The following IL1RAP variants were observed in gnomAD, a reference collection of about 807,000 sequenced individuals.
The protein encoded by IL1RAP is interleukin-1 receptor accessory protein.
A neutral mutation model predicts 60.7 loss-of-function variants in IL1RAP; 35 were observed. That is an observed-to-expected ratio of 0.58 (90% confidence interval 0.44 to 0.76). The LOEUF is 0.76. Among genes scored for constraint, IL1RAP ranks in the 30% least tolerant of loss-of-function variants. The pLI, the probability that IL1RAP is intolerant of heterozygous loss-of-function variation, is 0.00. For synonymous variants in IL1RAP, 268 were observed against 250.9 expected (o/e 1.07, Z -0.64); for missense variants, 572 against 693.9 (o/e 0.82, Z 1.97).
chr3:190,609,499 A>C (rs1577718872), intron 5 of IL1RAP, among the ~76,000 whole-genome samples: 1 of 152,308 alleles, frequency 6.6e-6, no homozygotes, highest in Non-Finnish European at 1.5e-5. Context: ...GTGAAGTCAT[A>C]AGCTGTTAAT....
downstream of IL1RAP, chr3:190,656,395 G>A: frequency 1.3e-6 from 2 of 1,537,244 alleles, no homozygotes; most frequent in Middle Eastern, 1.7e-4. Flanking sequence ...CACCTACTGT[G>A]AAGGAGAGAA....
intron 5 of IL1RAP, among the ~76,000 whole-genome samples, chr3:190,613,791 C>T (rs934648937): frequency 6.6e-6 from 1 of 151,916 alleles, no homozygotes; most frequent in African/African-American, 2.4e-5. Context: ...TGAGATCGTG[C>T]CACTGCACTC....
chr3:190,597,064 G>A (rs988272679), intron 3 of IL1RAP, among the ~76,000 whole-genome samples: 10 of 152,280 alleles, frequency 6.6e-5, no homozygotes, highest in Admixed American at 6.5e-4. Flanking sequence ...CTGTGGTACA[G>A]GAGGCTGACT....
intron 1 of IL1RAP, among the ~76,000 whole-genome samples, chr3:190,548,100 A>G (rs1297025802): frequency 2.6e-5 from 4 of 152,198 alleles, no homozygotes; most frequent in Non-Finnish European, 5.9e-5. Context: ...GAGGCCAAGG[A>G]TGCCTTGGAT....
intron 1 of IL1RAP, among the ~76,000 whole-genome samples, chr3:190,522,403 C>CTATCTATCTATG (rs750534993): frequency 8.1e-5 from 11 of 134,974 alleles, no homozygotes; most frequent in African/African-American, 3.2e-4. Flanking sequence ...TTCTATGTAT[C>CTATCTATCTATG]TATCTATGTA....
rs535372467 is a variant in IL1RAP at position 190,578,948 on chromosome 3, G to A, written c.64+14595G>A. On this transcript the variant is annotated intron_variant, in intron 3 of 11. Transcript: ENST00000447382. Reference sequence around the variant, plus strand: ...CACTAGGTCCCTCCCATGGTATGTGGGGAGTATGGGAGCTACAATTCAAGA... The same window carrying A: ...CACTAGGTCCCTCCCATGGTATGTGAGGAGTATGGGAGCTACAATTCAAGA... Among the ~76,000 whole-genome samples the A allele has an allele frequency of 1.1e-4, 16 of 152,286 alleles. No individual in the cohort carries two copies. In the East Asian group the frequency reaches 2.9e-3, roughly 28 times the overall value.
chr3:190,532,081 G>T (rs1723033485), intron 1 of IL1RAP, among the ~76,000 whole-genome samples: 2 of 151,946 alleles, frequency 1.3e-5, no homozygotes, highest in African/African-American at 4.8e-5. Context: ...TGCACTTTCT[G>T]GTATCATGCT....
intron 9 of IL1RAP, among the ~76,000 whole-genome samples, chr3:190,638,981 C>G (rs1227444429): frequency 6.6e-6 from 1 of 151,950 alleles, no homozygotes; most frequent in African/African-American, 2.4e-5. Flanking sequence ...TTTGTTGCTG[C>G]TGTTGTTCTT....
chr3:190,557,338 GC>G (rs1725511454), intron 2 of IL1RAP, among the ~76,000 whole-genome samples: 1 of 152,126 alleles, frequency 6.6e-6, no homozygotes, highest in South Asian at 2.1e-4. Flanking sequence ...AGAGCATGTT[GC>G]TATTCAAAAT....
chr3:190,563,225 A>G (rs78230546), intron 2 of IL1RAP, among the ~76,000 whole-genome samples: 1,709 of 152,286 alleles, frequency 0.011, 38 homozygotes, highest in African/African-American at 0.039. Context: ...CTTGTGGCAT[A>G]GGCTATTTGA....
At chr3:190,617,046 G>A (rs570501925) in intron 5 of IL1RAP, among the ~76,000 whole-genome samples, 1 of 152,308 alleles carries the variant, frequency 6.6e-6, no homozygotes, top group South Asian at 2.1e-4. Context: ...TGCCTGAAGT[G>A]TCTACTTCCC....
chr3:190,607,918 G>A (rs9875666), intron 4 of IL1RAP, among the ~76,000 whole-genome samples: 12,277 of 151,996 alleles, frequency 0.081, 962 homozygotes, highest in African/African-American at 0.2. Flanking sequence ...CTTTTCTATC[G>A]TTCTATCATG....
At chr3:190,639,252 C>T (rs13059538) in intron 9 of IL1RAP, among the ~76,000 whole-genome samples, 34,850 of 151,942 alleles carry the variant, frequency 0.23, 4,287 homozygotes, top group African/African-American at 0.28. Flanking sequence ...AGTACTCCAG[C>T]TGAAATTAGG....
At chr3:190,614,160 A>G (rs1344621958) in intron 5 of IL1RAP, among the ~76,000 whole-genome samples, 7 of 151,098 alleles carry the variant, frequency 4.6e-5, no homozygotes, top group South Asian at 2.1e-4. Context: ...TCCTACCTCT[A>G]TGGATCTATC....
intron 11 of IL1RAP, among the ~76,000 whole-genome samples, chr3:190,646,685 A>T (rs2108861062): frequency 6.6e-6 from 1 of 152,320 alleles, no homozygotes; most frequent in East Asian, 1.9e-4. Context: ...ATATCTAATC[A>T]TAAGCAAGAC....
intron 10 of IL1RAP, 33 bp downstream of exon 10, chr3:190,644,430 T>C (rs202138448): frequency 6.7e-7 from 1 of 1,501,058 alleles, no homozygotes; most frequent in Non-Finnish European, 9.3e-7. Flanking sequence ...AAACCTCTTC[T>C]ACTGTCATCT....
intron 3 of IL1RAP, 44 bp downstream of exon 3, chr3:190,564,397 C>T (rs6764286): frequency 0.078 from 98,168 of 1,264,268 alleles, 4,415 homozygotes; most frequent in African/African-American, 0.13. Flanking sequence ...GCAAGTCATG[C>T]GTAGGGTAAT....
intron 7 of IL1RAP, among the ~76,000 whole-genome samples, chr3:190,625,497 C>T (rs1732176635): frequency 6.6e-6 from 1 of 151,988 alleles, no homozygotes; most frequent in Non-Finnish European, 1.5e-5. Context: ...AGTTCAGGGA[C>T]TTAACAAAAT....
At chr3:190,522,435 C>CTATGTATCTATG (rs1722159178) in intron 1 of IL1RAP, among the ~76,000 whole-genome samples, 1 of 148,230 alleles carries the variant, frequency 6.7e-6, no homozygotes, top group African/African-American at 2.6e-5. Context: ...ATCTATCTAT[C>CTATGTATCTATG]TATCTATCTA....
Sources: gnomAD v4.1 joint callset for allele counts (sites outside exome capture counted in the v4.1 genomes callset) on GRCh38, gnomAD v4.1.1 for gene constraint, MANE v1.5 for transcripts, NCBI Gene and HGNC (gene_info 2026-07-23, HGNC 2026-07-21) for gene names.